Variants in NEDD4L observed in about 807,000 individuals in gnomAD.
The protein encoded by NEDD4L is NEDD4 like E3 ubiquitin protein ligase.
NEDD4L carries 54 observed loss-of-function variants against 148.9 expected under a neutral mutation model. The observed-to-expected ratio is 0.36, with a 90% CI of 0.29 to 0.45. The LOEUF is 0.45. Among genes scored for constraint, NEDD4L ranks in the 20% least tolerant of loss-of-function variants. The probability of loss-of-function intolerance (pLI) is 1.00; values close to 1 mark genes in which losing one functional copy is unlikely to be tolerated. For synonymous variants in NEDD4L, 433 were observed against 440.7 expected (o/e 0.98, Z 0.22); for missense variants, 856 against 1,233.8 (o/e 0.69, Z 4.59).
In NEDD4L at chr18:58,342,919, C is replaced by CA. The variant is rs1228509853; in HGVS notation, c.1392dup (p.Pro465ThrfsTer53). The CA allele has an allele frequency of 6.2e-7, 1 of 1,609,342 alleles. No homozygotes were observed. The highest frequency in any genetic ancestry group is 8.5e-7 in the Non-Finnish European group (1 of 1,177,840). On this transcript the variant is annotated frameshift_variant, in exon 16 of 31. Transcript: ENST00000400345. LOFTEE classifies it high-confidence loss of function. ...GTTATTCTTTAGGGTGCCAAGGACT[C>CA]ACCCGTACGTCGGGCTGTGAAAGAC...
At chr18:58,370,371 TAA>T in intron 22 of NEDD4L, 24 bp from the exon 23 acceptor site, 1 of 1,489,402 alleles carries the variant, frequency 6.7e-7, no homozygotes, top group Non-Finnish European at 9.4e-7. Flanking sequence ...GACCTGAAAC[TAA>T]ACCCAGTGTT....
At chr18:58,093,668 C>T (rs766867848) in intron 1 of NEDD4L, among the ~76,000 whole-genome samples, 5 of 152,158 alleles carry the variant, frequency 3.3e-5, no homozygotes, top group African/African-American at 9.7e-5. Flanking sequence ...ATATTTGCTA[C>T]GTGCTCATGT....
At chr18:58,049,246 C>T (rs2081742928) in intron 1 of NEDD4L, among the ~76,000 whole-genome samples, 1 of 152,146 alleles carries the variant, frequency 6.6e-6, no homozygotes, top group Non-Finnish European at 1.5e-5. Flanking sequence ...GAGAAGTGCT[C>T]TTAAATAGGC....
At chr18:58,312,845 T>G (rs1266375580) in intron 5 of NEDD4L, among the ~76,000 whole-genome samples, 1 of 152,202 alleles carries the variant, frequency 6.6e-6, no homozygotes, top group Non-Finnish European at 1.5e-5. Context: ...CAAGCCCAGC[T>G]AATTTTGTGT....
At chr18:58,239,941 A>G (rs1316932952) in intron 2 of NEDD4L, among the ~76,000 whole-genome samples, 1 of 152,208 alleles carries the variant, frequency 6.6e-6, no homozygotes, top group Non-Finnish European at 1.5e-5. Flanking sequence ...GAAAGAGACA[A>G]TAATTGAAAA....
chr18:58,352,086 A>C (rs562209287), intron 18 of NEDD4L, among the ~76,000 whole-genome samples: 5 of 152,356 alleles, frequency 3.3e-5, no homozygotes, highest in African/African-American at 9.6e-5. Flanking sequence ...TTACAATTCA[A>C]CTGAAAGTAG....
intron 5 of NEDD4L, among the ~76,000 whole-genome samples, chr18:58,309,249 C>T (rs781354613): frequency 1.3e-5 from 2 of 152,166 alleles, no homozygotes; most frequent in East Asian, 1.9e-4. Context: ...AGCCCTCAGC[C>T]GGATGCTCCC....
At chr18:58,347,802 A>G (rs773246749) in intron 16 of NEDD4L, among the ~76,000 whole-genome samples, 1 of 152,180 alleles carries the variant, frequency 6.6e-6, no homozygotes. Context: ...AAGATCTATG[A>G]TTATGATTCA....
At chr18:58,183,382 C>T (rs955531260) in intron 2 of NEDD4L, among the ~76,000 whole-genome samples, 3 of 152,202 alleles carry the variant, frequency 2.0e-5, no homozygotes, top group East Asian at 1.9e-4. Flanking sequence ...CAGGAGTAGA[C>T]GGTTACCTGT....
chr18:58,108,730 T>C (rs1258453147), intron 1 of NEDD4L, among the ~76,000 whole-genome samples: 1 of 152,248 alleles, frequency 6.6e-6, no homozygotes, highest in Admixed American at 6.5e-5. Flanking sequence ...CTACTGTTAT[T>C]ATTTTAATTA....
intron 22 of NEDD4L, among the ~76,000 whole-genome samples, chr18:58,369,627 G>A (rs1290259287): frequency 5.3e-5 from 8 of 152,222 alleles, no homozygotes; most frequent in Non-Finnish European, 1.2e-4. Flanking sequence ...ACTGCAGAGG[G>A]TGGGTGCCTG....
chr18:58,282,547 G>C (rs1396025104), intron 5 of NEDD4L, among the ~76,000 whole-genome samples: 52 of 152,210 alleles, frequency 3.4e-4, no homozygotes, highest in Admixed American at 3.4e-3. Flanking sequence ...GAATGGTTGG[G>C]TAAATGAACG....
intron 1 of NEDD4L, among the ~76,000 whole-genome samples, chr18:58,072,861 C>CGT (rs774738824): frequency 8.6e-6 from 1 of 115,728 alleles, no homozygotes; most frequent in Non-Finnish European, 1.6e-5. Context: ...TCCTAAGGCG[C>CGT]GCGCGCGCGC....
chr18:58,310,896 C>T (rs2057616080), intron 5 of NEDD4L, among the ~76,000 whole-genome samples: 1 of 152,158 alleles, frequency 6.6e-6, no homozygotes, highest in African/African-American at 2.4e-5. Flanking sequence ...ATGTTTACCT[C>T]GATCTGTAAC....
chr18:58,124,380 C>A (rs2092902119), intron 1 of NEDD4L, among the ~76,000 whole-genome samples: 1 of 152,198 alleles, frequency 6.6e-6, no homozygotes, highest in Non-Finnish European at 1.5e-5. Flanking sequence ...TTGTCTGTTC[C>A]TCCCCGGCCT....
chr18:58,114,866 C>A (rs373879389), intron 1 of NEDD4L, among the ~76,000 whole-genome samples: 1 of 152,224 alleles, frequency 6.6e-6, no homozygotes, highest in Admixed American at 6.5e-5. Context: ...GCCATTCCCA[C>A]ATGGTCACAT....
chr18:58,224,034 C>T (rs2044070546), intron 2 of NEDD4L, among the ~76,000 whole-genome samples: 1 of 152,214 alleles, frequency 6.6e-6, no homozygotes, highest in Non-Finnish European at 1.5e-5. Flanking sequence ...TTGGGCGCTT[C>T]CTGCCAAGAG....
At chr18:58,112,241 G>C (rs2085464787) in intron 1 of NEDD4L, among the ~76,000 whole-genome samples, 1 of 152,092 alleles carries the variant, frequency 6.6e-6, no homozygotes, top group Non-Finnish European at 1.5e-5. Context: ...TGAATCAACT[G>C]ACAAGTTTAG....
intron 26 of NEDD4L, among the ~76,000 whole-genome samples, chr18:58,385,873 G>T (rs1442471717): frequency 6.6e-6 from 1 of 151,908 alleles, no homozygotes; most frequent in African/African-American, 2.4e-5. Flanking sequence ...TTACAGACTT[G>T]ATCTAGAACC....
Sources: allele counts gnomAD v4.1 joint callset (sites outside exome capture counted in the v4.1 genomes callset), GRCh38; gene constraint gnomAD v4.1.1; transcripts MANE v1.5; gene names NCBI Gene and HGNC (gene_info 2026-07-23, HGNC 2026-07-21).